The following RNF150 variants were observed in gnomAD, a reference collection of about 807,000 sequenced individuals.
The protein encoded by RNF150 is ring finger protein 150.
Under a neutral mutation model 39.3 loss-of-function variants are expected in RNF150, and 24 were observed. The ratio of observed to expected loss-of-function variants is 0.61; its 90% CI spans 0.44 to 0.86. The LOEUF (loss-of-function observed/expected upper bound fraction) is 0.86, where lower values mean the gene tolerates loss of function less well. Ranked by LOEUF, RNF150 falls within the 40% of genes least tolerant of loss-of-function variation. RNF150 has a pLI of 0.00. For missense variants in RNF150, 502 were observed against 587.8 expected, an observed-to-expected ratio of 0.85 and a Z score of 1.51; for synonymous variants, 255 against 227.3, an observed-to-expected ratio of 1.12 and a Z score of -1.10.
chr4:140,992,147 G>T (rs1349249530), intron 1 of RNF150, among the ~76,000 whole-genome samples: 1 of 152,092 alleles, frequency 6.6e-6, no homozygotes, highest in Non-Finnish European at 1.5e-5. Flanking sequence ...TTAGCCTTCA[G>T]AATTTCTATC....
intron 2 of RNF150, among the ~76,000 whole-genome samples, chr4:140,949,592 A>G (rs149029033): frequency 6.6e-6 from 1 of 152,212 alleles, no homozygotes; most frequent in African/African-American, 2.4e-5. Flanking sequence ...GAAGTTCTTC[A>G]TGCCTAGAGT....
chr4:141,005,185 C>T (rs1414136822), intron 1 of RNF150, among the ~76,000 whole-genome samples: 1 of 152,112 alleles, frequency 6.6e-6, no homozygotes, highest in East Asian at 1.9e-4. Flanking sequence ...TAGAAGATAT[C>T]CATATTTGGA....
intron 1 of RNF150, among the ~76,000 whole-genome samples, chr4:141,060,285 T>C (rs369262269): frequency 6.6e-6 from 1 of 151,782 alleles, no homozygotes; most frequent in Non-Finnish European, 1.5e-5. Flanking sequence ...CTACAAAAAT[T>C]TAAAAATTAG....
chr4:141,075,510 A>G lies in RNF150; in HGVS notation c.484+56815T>C, dbSNP rs114639942. Among the ~76,000 whole-genome samples the G allele has an allele frequency of 8.9e-3, 1,351 of 152,362 alleles. 24 individuals carry two copies. Among genetic ancestry groups the G allele is most frequent in the African/African-American group, 0.031 (1,301 of 41,588 alleles). On this transcript the variant is annotated intron_variant, in intron 1 of 6. Coordinates refer to ENST00000515673, the MANE Select transcript of RNF150 (RefSeq NM_020724.2). ...TATAGCCTCTAATCCCAGTCTATTA[A>G]TCAAAATTCAGAATATTGCTATATT... is the stretch of plus-strand genomic sequence containing the variant.
intron 6 of RNF150, among the ~76,000 whole-genome samples, chr4:140,906,424 G>A (rs1730376536): frequency 6.6e-6 from 1 of 152,054 alleles, no homozygotes; most frequent in South Asian, 2.1e-4. Context: ...AAAGTATGGA[G>A]GATATGCAAA....
intron 1 of RNF150, among the ~76,000 whole-genome samples, chr4:141,002,821 G>A (rs1734715150): frequency 6.6e-6 from 1 of 152,084 alleles, no homozygotes; most frequent in Non-Finnish European, 1.5e-5. Context: ...TTCCCTCACT[G>A]AGCCATTGTT....
At chr4:140,959,293 A>AC (rs1228196668) in intron 2 of RNF150, among the ~76,000 whole-genome samples, 1 of 152,108 alleles carries the variant, frequency 6.6e-6, no homozygotes, top group African/African-American at 2.4e-5. Flanking sequence ...TGGGGGTGTG[A>AC]CATTTATGTC....
At chr4:141,022,439 A>C (rs1735531519) in intron 1 of RNF150, among the ~76,000 whole-genome samples, 1 of 152,182 alleles carries the variant, frequency 6.6e-6, no homozygotes, top group South Asian at 2.1e-4. Flanking sequence ...TTATTGGCTT[A>C]ATGGCTTTGT....
At chr4:140,916,328 A>C (rs1192668099) in intron 5 of RNF150, among the ~76,000 whole-genome samples, 2 of 152,204 alleles carry the variant, frequency 1.3e-5, no homozygotes, top group African/African-American at 4.8e-5. Flanking sequence ...AACTAGAATA[A>C]CCAATGCAGA....
intron 1 of RNF150, among the ~76,000 whole-genome samples, chr4:141,066,586 T>A (rs979542894): frequency 6.6e-6 from 1 of 152,210 alleles, no homozygotes; most frequent in South Asian, 2.1e-4. Context: ...CAAAGAGCTA[T>A]AGTACCTTAG....
At chr4:141,126,468 G>C (rs1003030004) in intron 1 of RNF150, among the ~76,000 whole-genome samples, 2 of 152,190 alleles carry the variant, frequency 1.3e-5, no homozygotes, top group Non-Finnish European at 2.9e-5. Flanking sequence ...GCTGAACCAA[G>C]TCTGTTTCCG....
At chr4:141,184,867 C>CTCTGTG (rs150571670) in intron 1 of RNF150, among the ~76,000 whole-genome samples, 1 of 147,996 alleles carries the variant, frequency 6.8e-6, no homozygotes, top group Admixed American at 6.8e-5. Context: ...GTCTATATAT[C>CTCTGTG]TGTGTGTGTG....
chr4:141,114,521 A>C (rs575926659), intron 1 of RNF150, among the ~76,000 whole-genome samples: 1 of 152,310 alleles, frequency 6.6e-6, no homozygotes, highest in South Asian at 2.1e-4. Context: ...ATGGCCTACC[A>C]ACCAAAAAAA....
At chr4:141,046,325 C>T (rs1220173857) in intron 1 of RNF150, among the ~76,000 whole-genome samples, 2 of 152,164 alleles carry the variant, frequency 1.3e-5, no homozygotes, top group Non-Finnish European at 2.9e-5. Context: ...AAATAGACCG[C>T]ATTCTTTTCT....
At chr4:141,155,962 G>A (rs1485972607) in intron 1 of RNF150, among the ~76,000 whole-genome samples, 1 of 151,814 alleles carries the variant, frequency 6.6e-6, no homozygotes, top group Non-Finnish European at 1.5e-5. Context: ...AAAAGTAGGT[G>A]AGCCTGACCT....
chr4:141,084,230 A>G (rs2110988278), intron 1 of RNF150, among the ~76,000 whole-genome samples: 1 of 152,320 alleles, frequency 6.6e-6, no homozygotes, highest in Middle Eastern at 3.4e-3. Flanking sequence ...CAAATAACTG[A>G]AAACATTTTC....
chr4:141,099,265 A>G (rs902460045), intron 1 of RNF150, among the ~76,000 whole-genome samples: 1 of 152,176 alleles, frequency 6.6e-6, no homozygotes, highest in African/African-American at 2.4e-5. Context: ...AGAACTCAAG[A>G]GCAACACATC....
At chr4:141,160,668 G>T (rs1417400017) in intron 1 of RNF150, among the ~76,000 whole-genome samples, 1 of 152,100 alleles carries the variant, frequency 6.6e-6, no homozygotes, top group African/African-American at 2.4e-5. Context: ...TCCCCTCTTT[G>T]GTACTATAGA....
At chr4:141,197,210 G>C (rs554179003) in intron 1 of RNF150, among the ~76,000 whole-genome samples, 1 of 152,066 alleles carries the variant, frequency 6.6e-6, no homozygotes, top group South Asian at 2.1e-4. Flanking sequence ...ATTCAATTTC[G>C]AATGTCTTCA....
Sources: gnomAD v4.1 joint callset for allele counts (sites outside exome capture counted in the v4.1 genomes callset) on GRCh38, gnomAD v4.1.1 for gene constraint, MANE v1.5 for transcripts, NCBI Gene and HGNC (gene_info 2026-07-23, HGNC 2026-07-21) for gene names.